Variants in SHISA6 observed in about 807,000 individuals in gnomAD.
The protein encoded by SHISA6 is protein shisa-6.
SHISA6 carries 22 observed loss-of-function variants against 47.9 expected under a neutral mutation model. The observed-to-expected ratio is 0.46, with a 90% CI of 0.33 to 0.66. SHISA6 has a LOEUF of 0.66. Among genes scored for constraint, SHISA6 ranks in the 30% least tolerant of loss-of-function variants. The pLI, the probability that SHISA6 is intolerant of heterozygous loss-of-function variation, is 0.02. For missense variants in SHISA6, 680 were observed against 764.6 expected (o/e 0.89, Z 1.30); for synonymous variants, 388 against 337.8 (o/e 1.15, Z -1.63).
At chr17:11,282,882 AC>A (rs1299420617) in intron 2 of SHISA6, among the ~76,000 whole-genome samples, 1 of 152,140 alleles carries the variant, frequency 6.6e-6, no homozygotes, top group Admixed American at 6.6e-5. Flanking sequence ...GGAATCATTC[AC>A]TCCAATTTTC....
intron 3 of SHISA6, among the ~76,000 whole-genome samples, chr17:11,388,786 A>AAGTTTATAT (rs1913273713): frequency 2.8e-5 from 3 of 105,776 alleles, no homozygotes; most frequent in African/African-American, 1.1e-4. Flanking sequence ...GTTCAAACAA[A>AAGTTTATAT]AGTTTATATA....
intron 3 of SHISA6, among the ~76,000 whole-genome samples, chr17:11,474,318 G>A (rs1450256587): frequency 2.0e-5 from 3 of 151,488 alleles, no homozygotes; most frequent in Admixed American, 2.0e-4. Flanking sequence ...GATCAGTGAT[G>A]ATGAGCTTTT....
intron 3 of SHISA6, among the ~76,000 whole-genome samples, chr17:11,390,789 T>G (rs1462170225): frequency 1.3e-5 from 2 of 152,182 alleles, no homozygotes; most frequent in East Asian, 3.9e-4. Context: ...CAGTGACCTG[T>G]TCTAGATAGG....
intron 2 of SHISA6, among the ~76,000 whole-genome samples, chr17:11,302,929 C>A (rs1909978298): frequency 6.6e-6 from 1 of 152,160 alleles, no homozygotes; most frequent in Non-Finnish European, 1.5e-5. Context: ...GCAGGTTCTG[C>A]TGGAGTTTCA....
At chr17:11,245,445 G>A (rs1027501677) in intron 1 of SHISA6, among the ~76,000 whole-genome samples, 3 of 152,314 alleles carry the variant, frequency 2.0e-5, no homozygotes, top group South Asian at 4.1e-4. Context: ...TGGGAGGGCC[G>A]CCAAGGGCAT....
At chr17:11,488,311 A>G (rs942117898) in intron 3 of SHISA6, among the ~76,000 whole-genome samples, 2 of 152,100 alleles carry the variant, frequency 1.3e-5, no homozygotes, top group African/African-American at 2.4e-5. Flanking sequence ...TTAACACCAT[A>G]TTGTTCAACA....
chr17:11,462,493 C>T (rs1010879429), intron 3 of SHISA6, among the ~76,000 whole-genome samples: 1 of 152,180 alleles, frequency 6.6e-6, no homozygotes, highest in Non-Finnish European at 1.5e-5. Context: ...GTGTCATTAG[C>T]AGGGTCTACT....
chr17:11,324,472 C>T (rs1201351761), intron 2 of SHISA6, among the ~76,000 whole-genome samples: 3 of 152,128 alleles, frequency 2.0e-5, no homozygotes, highest in Non-Finnish European at 4.4e-5. Flanking sequence ...CCCCTGACCT[C>T]GTGGACCTCA....
At position 11,558,618 on chromosome 17, in the gene SHISA6, CCTT is replaced by C. The variant is rs2072008193; in HGVS notation, c.*317_*319del. 7.4e-6 allele frequency: 3 copies of C among 404,958 alleles called. No individual in the cohort carries two copies. The highest frequency in any genetic ancestry group is 3.5e-5 in the South Asian group (1 of 28,302). The allele number at this position is 404,958 out of a possible 1,614,324, so 25.1% of individuals were successfully genotyped here. A position where few individuals can be genotyped will look rare whatever the true frequency, so the allele number is the denominator to read the frequency against. On this transcript the variant is annotated 3_prime_UTR_variant, in exon 6 of 6. Transcript: ENST00000441885. Reference sequence around the variant, plus strand: ...CCAACTCCCTTTCCGTCCCGCGCCTCCTTCTCCCCATCCGGGGGACTCAGCTGC... The same window carrying C: ...CCAACTCCCTTTCCGTCCCGCGCCTCCTCCCCATCCGGGGGACTCAGCTGC...
intron 3 of SHISA6, among the ~76,000 whole-genome samples, chr17:11,500,762 G>T (rs1440857426): frequency 6.6e-6 from 1 of 152,196 alleles, no homozygotes; most frequent in East Asian, 1.9e-4. Flanking sequence ...AGCTACCTGT[G>T]GTTGGTGGCT....
At chr17:11,469,456 C>T (rs1915887252) in intron 3 of SHISA6, among the ~76,000 whole-genome samples, 1 of 152,230 alleles carries the variant, frequency 6.6e-6, no homozygotes, top group Admixed American at 6.5e-5. Flanking sequence ...TGTCAGACTT[C>T]TGACCTCCAG....
chr17:11,549,334 G>A (rs1028242948), intron 3 of SHISA6, among the ~76,000 whole-genome samples: 5 of 152,120 alleles, frequency 3.3e-5, no homozygotes, highest in Non-Finnish European at 5.9e-5. Context: ...GAAAAAATCC[G>A]CTGTTAATGA....
At chr17:11,427,126 TTTGTTGTTG>T (rs556894783) in intron 3 of SHISA6, among the ~76,000 whole-genome samples, 4 of 151,908 alleles carry the variant, frequency 2.6e-5, no homozygotes, top group Non-Finnish European at 2.9e-5. Context: ...CTTTCGTATG[TTTGTTGTTG>T]TTGTTGTTGT....
At chr17:11,277,276 T>TCACACACA (rs1244934721) in intron 2 of SHISA6, among the ~76,000 whole-genome samples, 1 of 62,648 alleles carries the variant, frequency 1.6e-5, no homozygotes, top group Non-Finnish European at 3.4e-5. Flanking sequence ...TCTCTCTCTC[T>TCACACACA]CTCTCACACA....
chr17:11,319,765 C>T (rs1910649896), intron 2 of SHISA6, among the ~76,000 whole-genome samples: 1 of 152,216 alleles, frequency 6.6e-6, no homozygotes, highest in Non-Finnish European at 1.5e-5. Flanking sequence ...GTTTAGCTAA[C>T]ATGAAGTGAG....
chr17:11,505,171 C>A lies in SHISA6; in HGVS notation c.896-46725C>A, dbSNP rs1017979559. ...CAGTACTTTTAGAAAGTCCAGCGAT[C>A]GCTGTCTCTCTCCTTTCTTTTCCAA... On this transcript the variant is annotated intron_variant, in intron 3 of 5. Transcript: ENST00000441885. Among the ~76,000 whole-genome samples, 5 of 152,190 alleles carry A rather than the reference C, an allele frequency of 3.3e-5. No homozygotes were observed. In the East Asian group the frequency reaches 7.7e-4, roughly 23 times the overall value.
chr17:11,533,438 C>T (rs1321090252), intron 3 of SHISA6, among the ~76,000 whole-genome samples: 5 of 152,108 alleles, frequency 3.3e-5, no homozygotes, highest in Admixed American at 3.3e-4. Context: ...CCCTCTATGA[C>T]TCAGGCCCCA....
chr17:11,343,807 A>T (rs1202363253), intron 2 of SHISA6, among the ~76,000 whole-genome samples: 1 of 152,228 alleles, frequency 6.6e-6, no homozygotes, highest in Non-Finnish European at 1.5e-5. Flanking sequence ...GGACAAGAGG[A>T]TGTGAGATGG....
At position 11,271,694 on chromosome 17, in the gene SHISA6, A is replaced by T. The variant is rs375180262; in HGVS notation, c.799+8168A>T. Among the ~76,000 whole-genome samples the T allele has an allele frequency of 2.9e-3, 432 of 146,698 alleles. 8 individuals are homozygous for T. Among genetic ancestry groups the T allele is most frequent in the African/African-American group, 0.011 (406 of 38,596 alleles). On this transcript the variant is annotated intron_variant, in intron 2 of 5. Coordinates refer to ENST00000441885, the MANE Select transcript of SHISA6 (RefSeq NM_207386.4). ...AGGCTGGTTTCTAACTCCTGACCTC[A>T]GGTGATCTGCCTGCTTCAGCCTCCC...
Sources: gnomAD v4.1 joint callset for allele counts (sites outside exome capture counted in the v4.1 genomes callset) on GRCh38, gnomAD v4.1.1 for gene constraint, MANE v1.5 for transcripts, NCBI Gene and HGNC (gene_info 2026-07-23, HGNC 2026-07-21) for gene names.